EFHD1: variants seen among roughly 807,000 people sequenced by gnomAD.
EFHD1 encodes the protein EF-hand domain family member D1.
EFHD1 carries 10 observed loss-of-function variants against 17.2 expected under a neutral mutation model. That is an observed-to-expected ratio of 0.58 (90% CI 0.36 to 0.99). The LOEUF is 0.99. Among genes scored for constraint, EFHD1 ranks in the 50% least tolerant of loss-of-function variants. The probability of loss-of-function intolerance (pLI) is 0.01; values close to 1 mark genes in which losing one functional copy is unlikely to be tolerated. For synonymous variants in EFHD1, 153 were observed against 142.0 expected, an observed-to-expected ratio of 1.08 and a Z score of -0.55; for missense variants, 310 against 327.5, an observed-to-expected ratio of 0.95 and a Z score of 0.41.
chr2:232,666,173 G>A (rs1046482700), intron 2 of EFHD1, among the ~76,000 whole-genome samples: 3 of 152,188 alleles, frequency 2.0e-5, no homozygotes, highest in Non-Finnish European at 4.4e-5. Flanking sequence ...CCTGAGATAC[G>A]ATTCACAGGG....
chr2:232,639,479 G>A (rs561278743), intron 1 of EFHD1, among the ~76,000 whole-genome samples: 24 of 151,960 alleles, frequency 1.6e-4, no homozygotes, highest in African/African-American at 4.6e-4. Flanking sequence ...GGGCTACTTC[G>A]CCTGGCCAGA....
At chr2:232,650,395 A>G (rs1255974714) in intron 1 of EFHD1, among the ~76,000 whole-genome samples, 1 of 149,032 alleles carries the variant, frequency 6.7e-6, no homozygotes. Flanking sequence ...CCCAGGTCCA[A>G]GCGATTCTCC....
chr2:232,680,283 A>T (rs1346140217), intron 3 of EFHD1, among the ~76,000 whole-genome samples: 1 of 152,146 alleles, frequency 6.6e-6, no homozygotes, highest in African/African-American at 2.4e-5. Flanking sequence ...TAAAAAAAAA[A>T]AAGTACATAC....
At chr2:232,654,206 CAAAAAAA>C (rs929121448) in intron 1 of EFHD1, among the ~76,000 whole-genome samples, 1 of 82,642 alleles carries the variant, frequency 1.2e-5, no homozygotes, top group Non-Finnish European at 2.5e-5. Flanking sequence ...GACTCCATCT[CAAAAAAA>C]AAAAAAAAAG....
At chr2:232,623,503 G>A (rs1163114212) in intron 1 of EFHD1, among the ~76,000 whole-genome samples, 2 of 150,066 alleles carry the variant, frequency 1.3e-5, no homozygotes, top group Non-Finnish European at 3.0e-5. Flanking sequence ...GTGAAACCGC[G>A]TCTCTACTAA....
chr2:232,679,983 G>A (rs1023835389), intron 3 of EFHD1, among the ~76,000 whole-genome samples: 2 of 152,012 alleles, frequency 1.3e-5, no homozygotes, highest in Admixed American at 6.6e-5. Flanking sequence ...TTTAAATAAC[G>A]TACATAAGGC....
chr2:232,662,774 C>G (rs1163730963), intron 1 of EFHD1, 28 bp from the exon 2 acceptor site: 1 of 1,552,534 alleles, frequency 6.4e-7, no homozygotes, highest in Non-Finnish European at 8.6e-7. Flanking sequence ...TCCTTTCATC[C>G]CGGTCATGCA....
chr2:232,653,533 G>A (rs979643836), intron 1 of EFHD1, among the ~76,000 whole-genome samples: 4 of 151,996 alleles, frequency 2.6e-5, no homozygotes, highest in African/African-American at 4.8e-5. Flanking sequence ...CAAGTGATCC[G>A]CCCACCTCGG....
intron 2 of EFHD1, among the ~76,000 whole-genome samples, chr2:232,668,548 C>T (rs942928292): frequency 1.3e-5 from 2 of 152,124 alleles, no homozygotes; most frequent in African/African-American, 2.4e-5. Context: ...TCGGGGATGG[C>T]GAGAGTCCCT....
chr2:232,639,079 C>T (rs1362037783), intron 1 of EFHD1, among the ~76,000 whole-genome samples: 1 of 152,154 alleles, frequency 6.6e-6, no homozygotes, highest in Non-Finnish European at 1.5e-5. Flanking sequence ...AAGGAGCTTC[C>T]ACAGTTGCTG....
chr2:232,606,310 C>A, intron 1 of EFHD1: 1 of 1,035,860 alleles, frequency 9.7e-7, no homozygotes, highest in Non-Finnish European at 1.5e-6. Context: ...CCGGCCCTCG[C>A]TTCCCTGCCC....
intron 1 of EFHD1, among the ~76,000 whole-genome samples, chr2:232,623,444 C>T (rs1397254999): frequency 2.0e-5 from 3 of 151,846 alleles, no homozygotes; most frequent in South Asian, 2.1e-4. Flanking sequence ...GAGGCCGAGG[C>T]GGGTGGATCA....
intron 1 of EFHD1, among the ~76,000 whole-genome samples, chr2:232,617,910 C>T (rs1449861716): frequency 2.7e-5 from 4 of 148,900 alleles, no homozygotes; most frequent in East Asian, 4.0e-4. Flanking sequence ...GATCGTGCCA[C>T]GGCACTCCAG....
chr2:232,649,436 C>A (rs944811705), intron 1 of EFHD1, among the ~76,000 whole-genome samples: 1 of 152,156 alleles, frequency 6.6e-6, no homozygotes, highest in Admixed American at 6.5e-5. Flanking sequence ...CCCTAACAGT[C>A]ACTCAGGAAT....
chr2:232,629,188 C>T (rs1010573966), upstream of EFHD1, among the ~76,000 whole-genome samples: 13 of 152,154 alleles, frequency 8.5e-5, no homozygotes, highest in East Asian at 3.8e-4. Context: ...TGTTTGAAGC[C>T]GCTACCTTCA....
chr2:232,633,591 C>T, upstream of EFHD1: 3 of 1,305,296 alleles, frequency 2.3e-6, no homozygotes, highest in Non-Finnish European at 2.9e-6. Flanking sequence ...CGCCGGGTCC[C>T]CGCCGCCTCG....
intron 3 of EFHD1, among the ~76,000 whole-genome samples, chr2:232,676,665 A>C (rs939705796): frequency 6.6e-6 from 1 of 152,208 alleles, no homozygotes; most frequent in African/African-American, 2.4e-5. Flanking sequence ...CACAACATAG[A>C]CCACAGGAGC....
intron 1 of EFHD1, among the ~76,000 whole-genome samples, chr2:232,657,899 C>CTTTTTTTTTTTTT (rs1194396166): frequency 9.9e-6 from 1 of 100,660 alleles, no homozygotes; most frequent in Non-Finnish European, 2.0e-5. Flanking sequence ...TCTTTCTTTT[C>CTTTTTTTTTTTTT]TTTTTTTTTT....
At chr2:232,675,478 T>G (rs571999429) in intron 3 of EFHD1, among the ~76,000 whole-genome samples, 3 of 152,074 alleles carry the variant, frequency 2.0e-5, no homozygotes, top group African/African-American at 7.2e-5. Flanking sequence ...GACTGCTGAG[T>G]GTTAGAACCA....
Sources: gnomAD v4.1 joint callset for allele counts (sites outside exome capture counted in the v4.1 genomes callset) on GRCh38, gnomAD v4.1.1 for gene constraint, MANE v1.5 for transcripts, NCBI Gene and HGNC (gene_info 2026-07-23, HGNC 2026-07-21) for gene names.